Variants in MGRN1 observed in about 807,000 individuals in gnomAD.
MGRN1 encodes the protein mahogunin ring finger 1.
MGRN1 carries 29 observed loss-of-function variants against 69.2 expected under a neutral mutation model. The observed-to-expected ratio is 0.42, with a 90% CI of 0.31 to 0.57. The LOEUF (loss-of-function observed/expected upper bound fraction) is 0.57. MGRN1 is among the 20% of genes least tolerant of loss of function. The pLI is 0.15. For synonymous variants in MGRN1, 470 were observed against 344.2 expected, an observed-to-expected ratio of 1.37 and a Z score of -4.04; for missense variants, 998 against 796.2, an observed-to-expected ratio of 1.25 and a Z score of -3.05.
At chr16:4,658,422 C>G (rs1309231220) in intron 5 of MGRN1, among the ~76,000 whole-genome samples, 2 of 151,572 alleles carry the variant, frequency 1.3e-5, no homozygotes, top group East Asian at 2.0e-4. Context: ...TGTAGTCCCA[C>G]CTACTGGGGA....
At chr16:4,628,489 C>A (rs1897816885) in intron 1 of MGRN1, among the ~76,000 whole-genome samples, 1 of 152,198 alleles carries the variant, frequency 6.6e-6, no homozygotes, top group African/African-American at 2.4e-5. Flanking sequence ...TAAAAGTTTC[C>A]TTCCATCTGT....
At chr16:4,645,008 C>G (rs753072639) in intron 1 of MGRN1, among the ~76,000 whole-genome samples, 1 of 151,944 alleles carries the variant, frequency 6.6e-6, no homozygotes, top group Non-Finnish European at 1.5e-5. Context: ...TTGTAGAAAA[C>G]TTAATTTTAA....
chr16:4,627,090 G>C (rs2141811197), intron 1 of MGRN1, among the ~76,000 whole-genome samples: 1 of 152,358 alleles, frequency 6.6e-6, no homozygotes, highest in East Asian at 1.9e-4. Flanking sequence ...GTCAGGTCAA[G>C]GGTGGGAGGC....
chr16:4,631,719 G>T (rs1314299181), intron 1 of MGRN1, among the ~76,000 whole-genome samples: 1 of 152,092 alleles, frequency 6.6e-6, no homozygotes, highest in Admixed American at 6.6e-5. Context: ...TAAGTTCTTT[G>T]CATTTCCATA....
rs752729946 is a variant in MGRN1, at chr16:4,657,237, T to G, written c.444-9T>G. ...CGCAGCCTCACTGCTTGCTCCTGGCTCCCTGCAGATACAGCCCCAAGAGCC... is the reference window on the plus strand; with the variant it reads ...CGCAGCCTCACTGCTTGCTCCTGGCGCCCTGCAGATACAGCCCCAAGAGCC... On this transcript the variant is annotated splice_polypyrimidine_tract_variant and intron_variant, in intron 4 of 16. Coordinates refer to ENST00000262370, the MANE Select transcript of MGRN1 (RefSeq NM_015246.4). The G allele has an allele frequency of 6.2e-7, 1 of 1,612,608 alleles. No homozygotes were observed. Among genetic ancestry groups the G allele is most frequent in the East Asian group, 2.2e-5 (1 of 44,854 alleles).
rs546284535 is a variant in MGRN1 at position 4,627,661 on chromosome 16, C to T, written c.88+2613C>T. On this transcript the variant is annotated intron_variant, in intron 1 of 16. Transcript: ENST00000262370. The stretch of plus-strand genomic sequence containing the variant: ...AAATTTAGCCGGGCGTGATGGCAGG[C>T]GTCTATAGTCCCAGCTACGCGGGAG... Among the ~76,000 whole-genome samples the T allele has an allele frequency of 1.8e-4, 27 of 151,738 alleles. No individual in the cohort carries two copies. The South Asian group carries it at 4.6e-3, about 26-fold the overall frequency.
chr16:4,644,885 G>C (rs1431381955), intron 1 of MGRN1, among the ~76,000 whole-genome samples: 1 of 152,014 alleles, frequency 6.6e-6, no homozygotes, highest in African/African-American at 2.4e-5. Context: ...TCTAATTCTA[G>C]AACATGGTCC....
chr16:4,625,688 G>C (rs1377103779), intron 1 of MGRN1, among the ~76,000 whole-genome samples: 2 of 152,374 alleles, frequency 1.3e-5, no homozygotes, highest in South Asian at 2.1e-4. Flanking sequence ...CAAGATCTCA[G>C]CTGGATGGAA....
chr16:4,671,640 C>A (rs2078939468), intron 9 of MGRN1, among the ~76,000 whole-genome samples, 181 bp downstream of exon 9: 1 of 152,168 alleles, frequency 6.6e-6, no homozygotes, highest in South Asian at 2.1e-4. Flanking sequence ...TTTATCCTTT[C>A]TCCAGCAAAT....
chr16:4,646,337 G>C (rs1344514968), intron 1 of MGRN1, among the ~76,000 whole-genome samples: 3 of 152,144 alleles, frequency 2.0e-5, no homozygotes, highest in Non-Finnish European at 4.4e-5. Context: ...GCTGAGGCAG[G>C]AGGATTGTTT....
rs575982427 is a variant in MGRN1 at position 4,671,992 on chromosome 16, G to A, written c.795+533G>A. On this transcript the variant is annotated intron_variant, in intron 9 of 16. Transcript: ENST00000262370. ...GAGATCTTGGCTCACTGTGGCCTCC[G>A]CCTCCCGGGTTCAAGCGATTCTCCT... 5.9e-5 allele frequency among the ~76,000 whole-genome samples: 9 copies of A among 152,272 alleles called. No homozygotes were observed. In the South Asian group the frequency reaches 1.2e-3, roughly 21 times the overall value.
chr16:4,657,738 C>CTTTTTTTTTTTTTTTTTTTTTT (rs1157518931), intron 5 of MGRN1, among the ~76,000 whole-genome samples: 1 of 77,050 alleles, frequency 1.3e-5, no homozygotes, highest in Non-Finnish European at 2.5e-5. Flanking sequence ...TGCAGACATC[C>CTTTTTTTTTTTTTTTTTTTTTT]TTTTTTTTTT....
intron 7 of MGRN1, 52 bp downstream of exon 7, chr16:4,665,203 G>C (rs1423289095): frequency 6.2e-7 from 1 of 1,604,866 alleles, no homozygotes. Context: ...CTGGGCAGGG[G>C]GTGGCCTTTT....
intron 1 of MGRN1, among the ~76,000 whole-genome samples, chr16:4,637,499 C>A (rs1223111530): frequency 2.6e-5 from 4 of 152,088 alleles, no homozygotes; most frequent in African/African-American, 4.8e-5. Flanking sequence ...TTCCTAAGTG[C>A]TTTTTATTAT....
At chr16:4,688,011 G>T in intron 16 of MGRN1, 2 of 985,586 alleles carry the variant, frequency 2.0e-6, no homozygotes, top group South Asian at 9.4e-5. Context: ...TCAAGCTTCC[G>T]GAGCTGGGGA....
chr16:4,686,835 G>A, intron 16 of MGRN1: 1 of 986,216 alleles, frequency 1.0e-6, no homozygotes, highest in Non-Finnish European at 1.2e-6. Flanking sequence ...TTCCGGTCGT[G>A]GCTTTAACAA....
At chr16:4,625,815 C>T (rs1323432429) in intron 1 of MGRN1, among the ~76,000 whole-genome samples, 2 of 152,176 alleles carry the variant, frequency 1.3e-5, no homozygotes, top group East Asian at 1.9e-4. Context: ...CAAGTCTCAC[C>T]CTCCATCTCC....
In MGRN1 at chr16:4,690,940, C is replaced by T. The variant is rs974461159; in HGVS notation, c.*2032C>T. The T allele has an allele frequency of 2.6e-5, 4 of 152,382 alleles. No homozygotes were observed. Among genetic ancestry groups the T allele is most frequent in the Non-Finnish European group, 5.9e-5 (4 of 68,018 alleles). The allele number at this position is 152,382 out of a possible 1,614,324, so 9.4% of individuals were successfully genotyped here. On this transcript the variant is annotated 3_prime_UTR_variant, in exon 17 of 17. Transcript: ENST00000262370. ...TGGGCTCATCGTTGGTTCGTTTTTA[C>T]TGTATATTTATAGTAATAAAATCAT... is the stretch of plus-strand genomic sequence containing the variant.
At chr16:4,672,462 A>C (rs1166732911) in intron 9 of MGRN1, 1 of 456,776 alleles carries the variant, frequency 2.2e-6, no homozygotes, top group East Asian at 6.9e-5. Flanking sequence ...CAACTGGAGC[A>C]GCTCCACGTG....
Sources: gnomAD v4.1 joint callset for allele counts (sites outside exome capture counted in the v4.1 genomes callset) on GRCh38, gnomAD v4.1.1 for gene constraint, MANE v1.5 for transcripts, NCBI Gene and HGNC (gene_info 2026-07-23, HGNC 2026-07-21) for gene names.